Variants in ZFP64 observed in about 807,000 individuals in gnomAD.
ZFP64 encodes zinc finger protein 64.
Under a neutral mutation model 51.6 loss-of-function variants are expected in ZFP64, and 14 were observed. That is an observed-to-expected ratio of 0.27 (90% CI 0.18 to 0.42). The LOEUF is 0.42. Among genes scored for constraint, ZFP64 ranks in the 10% least tolerant of loss-of-function variants. The pLI, the probability that ZFP64 is intolerant of heterozygous loss-of-function variation, is 1.00. For missense variants in ZFP64, 754 were observed against 906.8 expected (o/e 0.83, Z 2.16); for synonymous variants, 375 against 361.4 (o/e 1.04, Z -0.43).
intron 4 of ZFP64, among the ~76,000 whole-genome samples, chr20:52,161,993 A>C (rs1568688353): frequency 6.6e-6 from 1 of 152,348 alleles, no homozygotes; most frequent in South Asian, 2.1e-4. Context: ...TACATCTAAA[A>C]GTTTATTAAA....
chr20:52,161,277 T>A (rs894695911), intron 4 of ZFP64, among the ~76,000 whole-genome samples: 1 of 152,178 alleles, frequency 6.6e-6, no homozygotes, highest in African/African-American at 2.4e-5. Flanking sequence ...TACTGCTAAC[T>A]TTTTGATGTA....
At chr20:52,088,291 T>TA (rs2041082672) in intron 8 of ZFP64, 2 of 1,525,104 alleles carry the variant, frequency 1.3e-6, no homozygotes, top group African/African-American at 1.4e-5. Context: ...CTTGTACTTC[T>TA]ACCACACCAA....
In ZFP64 at chr20:52,138,386, C is replaced by T. The variant is rs1028259886; in HGVS notation, c.763+21737G>A. On this transcript the variant is annotated intron_variant, in intron 5 of 8. Coordinates refer to the ZFP64 transcript ENST00000361387. ...CACATATATATTACTGTAATAAATACAAATGATTTGAATTGTCCTATCAAA... is the reference window on the plus strand; with the variant it reads ...CACATATATATTACTGTAATAAATATAAATGATTTGAATTGTCCTATCAAA... 4.6e-5 allele frequency among the ~76,000 whole-genome samples: 7 copies of T among 151,126 alleles called. No homozygotes were observed. The East Asian group carries it at 1.4e-3, about 29-fold the overall frequency.
At chr20:52,132,364 T>G (rs758831417) in intron 5 of ZFP64, among the ~76,000 whole-genome samples, 4 of 149,904 alleles carry the variant, frequency 2.7e-5, no homozygotes, top group Middle Eastern at 3.4e-3. Context: ...ATAAGAAAGA[T>G]CAGAGCAGAA....
chr20:52,096,627 G>A (rs1204988087), intron 7 of ZFP64, among the ~76,000 whole-genome samples: 2 of 152,228 alleles, frequency 1.3e-5, no homozygotes, highest in Non-Finnish European at 1.5e-5. Context: ...GGTGGCTCAT[G>A]CCTGTAATTC....
intron 5 of ZFP64, among the ~76,000 whole-genome samples, chr20:52,157,534 A>T (rs528437181): frequency 1.8e-4 from 28 of 152,318 alleles, no homozygotes; most frequent in African/African-American, 6.3e-4. Flanking sequence ...CAGGGTTAAG[A>T]ACCAAAGAGC....
At chr20:52,164,511 T>C (rs1600783814) in intron 4 of ZFP64, among the ~76,000 whole-genome samples, 184 bp downstream of exon 4, 1 of 152,220 alleles carries the variant, frequency 6.6e-6, no homozygotes, top group East Asian at 1.9e-4. Context: ...GATTTTATTA[T>C]GTTAAAGATT....
chr20:52,096,544 A>G (rs776465090), intron 7 of ZFP64, among the ~76,000 whole-genome samples: 2 of 152,226 alleles, frequency 1.3e-5, no homozygotes, highest in Non-Finnish European at 2.9e-5. Context: ...CAAGTATAGG[A>G]TTTGTACCAC....
intron 7 of ZFP64, among the ~76,000 whole-genome samples, chr20:52,093,133 TAAAA>T (rs1185373631): frequency 3.3e-5 from 5 of 150,770 alleles, no homozygotes; most frequent in Admixed American, 6.6e-5. Context: ...ATCAGGAGAT[TAAAA>T]AAAAAATTTT....
intron 2 of ZFP64, among the ~76,000 whole-genome samples, chr20:52,186,394 G>A (rs1021790057): frequency 6.6e-6 from 1 of 152,050 alleles, no homozygotes; most frequent in Admixed American, 6.6e-5. Context: ...ACAAGGGGGA[G>A]GAGATACCAA....
chr20:52,136,111 A>G (rs958530525), intron 5 of ZFP64, among the ~76,000 whole-genome samples: 7 of 150,328 alleles, frequency 4.7e-5, no homozygotes, highest in Non-Finnish European at 7.4e-5. Context: ...AAAAAAAAAA[A>G]AAAAAAAAAG....
intron 5 of ZFP64, among the ~76,000 whole-genome samples, chr20:52,109,315 C>A (rs1298555813): frequency 6.6e-6 from 1 of 152,126 alleles, no homozygotes; most frequent in Non-Finnish European, 1.5e-5. Flanking sequence ...AGGCACCCAC[C>A]ACCATGCCTG....
intron 5 of ZFP64, among the ~76,000 whole-genome samples, chr20:52,135,607 C>T (rs1020011417): frequency 6.6e-6 from 1 of 152,124 alleles, no homozygotes; most frequent in Non-Finnish European, 1.5e-5. Context: ...CCACCTCAGC[C>T]TCCCAAGAAG....
At chr20:52,084,860 C>T in exon 9 of ZFP64, 1 of 1,613,976 alleles carries the variant, frequency 6.2e-7, no homozygotes. Context: ...CGTCCCTGTG[C>T]ACCTTGTCGA....
chr20:52,097,519 A>G lies in ZFP64; in HGVS notation c.914-84T>C, dbSNP rs1215175059. ...GCCCAGGCTGGAGTGCAGTGGCTCC[A>G]TCTCGGCTCACTGCAACCTCCGCCT... On this transcript the variant is annotated intron_variant, in intron 6 of 8. Coordinates refer to the ZFP64 transcript ENST00000361387. 1.0e-5 allele frequency: 13 copies of G among 1,302,370 alleles called. No homozygotes were observed. In the Admixed American group the frequency reaches 2.3e-4, roughly 23 times the overall value. 80.7% of individuals were successfully genotyped at this position (1,302,370 alleles called of 1,614,324 possible).
intron 5 of ZFP64, among the ~76,000 whole-genome samples, chr20:52,100,376 G>C (rs2079038277): frequency 6.6e-6 from 1 of 152,132 alleles, no homozygotes; most frequent in Non-Finnish European, 1.5e-5. Flanking sequence ...CTCCCAGGTA[G>C]CTGGGATTAC....
chr20:52,120,573 A>T (rs990811528), intron 5 of ZFP64, among the ~76,000 whole-genome samples: 5 of 146,152 alleles, frequency 3.4e-5, no homozygotes, highest in African/African-American at 1.4e-4. Context: ...TTCCAATGGC[A>T]TGTGCTCACT....
intron 5 of ZFP64, chr20:52,111,119 C>G (rs550608202): frequency 1.6e-5 from 13 of 803,454 alleles, no homozygotes; most frequent in Non-Finnish European, 2.6e-5. Flanking sequence ...GAGCGGGGCA[C>G]GGCGGCAGCC....
chr20:52,122,365 G>A (rs1323082053), intron 5 of ZFP64, among the ~76,000 whole-genome samples: 1 of 152,048 alleles, frequency 6.6e-6, no homozygotes, highest in Admixed American at 6.6e-5. Context: ...AATTAGCCGG[G>A]TGTGGTGGCC....
Sources: gnomAD v4.1 joint callset for allele counts (sites outside exome capture counted in the v4.1 genomes callset) on GRCh38, gnomAD v4.1.1 for gene constraint, MANE v1.5 for transcripts, NCBI Gene and HGNC (gene_info 2026-07-23, HGNC 2026-07-21) for gene names.